Variants in DYM observed in about 807,000 individuals in gnomAD.
DYM encodes dymeclin.
A neutral mutation model predicts 93.1 loss-of-function variants in DYM; 78 were observed. The observed-to-expected ratio is 0.84, with a 90% CI of 0.70 to 1.01. DYM has a LOEUF of 1.01. Among genes scored for constraint, DYM ranks in the 50% least tolerant of loss-of-function variants. The probability of loss-of-function intolerance (pLI) is 0.00; values close to 1 mark genes in which losing one functional copy is unlikely to be tolerated. For missense variants in DYM, 789 were observed against 845.0 expected (o/e 0.93, Z 0.82); for synonymous variants, 321 against 319.7 (o/e 1.00, Z -0.04).
chr18:49,206,745 C>T (rs1360255901), intron 14 of DYM, among the ~76,000 whole-genome samples: 1 of 152,142 alleles, frequency 6.6e-6, no homozygotes, highest in Admixed American at 6.6e-5. Flanking sequence ...CACTGTATTT[C>T]TTCTCTGTTG....
chr18:49,441,033 A>ATATATT (rs1259628094), intron 1 of DYM, among the ~76,000 whole-genome samples: 1 of 6,806 alleles, frequency 1.5e-4, no homozygotes, highest in Non-Finnish European at 3.2e-4. Flanking sequence ...ATTTATATAT[A>ATATATT]ATATATAAAT....
At chr18:49,441,032 TAATATATA>T (rs1435761958) in intron 1 of DYM, among the ~76,000 whole-genome samples, 1 of 7,984 alleles carries the variant, frequency 1.3e-4, no homozygotes, top group African/African-American at 3.1e-4. Context: ...TATTTATATA[TAATATATA>T]AATATATAAT....
At chr18:49,421,830 A>T (rs559835056) in intron 2 of DYM, among the ~76,000 whole-genome samples, 1 of 152,350 alleles carries the variant, frequency 6.6e-6, no homozygotes, top group African/African-American at 2.4e-5. Context: ...GGAGCTGAAA[A>T]CCATGGCACA....
intron 2 of DYM, among the ~76,000 whole-genome samples, chr18:49,427,643 A>G (rs1215948445): frequency 1.3e-5 from 2 of 152,162 alleles, no homozygotes; most frequent in Admixed American, 1.3e-4. Flanking sequence ...TATAGAAACA[A>G]CCCAGTGTCT....
intron 1 of DYM, among the ~76,000 whole-genome samples, chr18:49,434,388 C>T (rs1280156179): frequency 2.0e-5 from 3 of 150,928 alleles, no homozygotes; most frequent in Non-Finnish European, 4.4e-5. Context: ...GGCATGGTGG[C>T]AGGTACCTGT....
chr18:49,336,232 T>G (rs919563929), intron 6 of DYM, among the ~76,000 whole-genome samples: 12 of 152,218 alleles, frequency 7.9e-5, no homozygotes, highest in Non-Finnish European at 5.9e-5. Context: ...TGTTTTAGTT[T>G]TGCTTAAACC....
At chr18:49,251,510 G>A (rs1037618865) in intron 13 of DYM, among the ~76,000 whole-genome samples, 4 of 152,166 alleles carry the variant, frequency 2.6e-5, no homozygotes, top group Non-Finnish European at 5.9e-5. Context: ...GTTTGAAAAC[G>A]AGTTCAGTTT....
chr18:49,448,456 A>G (rs1943675), intron 1 of DYM, among the ~76,000 whole-genome samples: 61,951 of 152,028 alleles, frequency 0.41, 13,072 homozygotes, highest in East Asian at 0.58. Flanking sequence ...TCCATTTTTC[A>G]GGAAGCCAGG....
chr18:49,241,445 T>C (rs2094006913), intron 13 of DYM, among the ~76,000 whole-genome samples: 1 of 152,200 alleles, frequency 6.6e-6, no homozygotes, highest in African/African-American at 2.4e-5. Context: ...ATGGCTAGAC[T>C]TATAATTAAA....
chr18:49,080,739 C>G (rs1389492223), intron 17 of DYM, among the ~76,000 whole-genome samples: 1 of 148,536 alleles, frequency 6.7e-6, no homozygotes. Context: ...CTCCTCACTT[C>G]TCAGACGGGG....
At chr18:49,100,271 G>A (rs762943280) in intron 16 of DYM, among the ~76,000 whole-genome samples, 6 of 152,062 alleles carry the variant, frequency 3.9e-5, no homozygotes, top group African/African-American at 7.2e-5. Context: ...GGAGCCATCC[G>A]CTTTGATAAT....
intron 15 of DYM, among the ~76,000 whole-genome samples, chr18:49,155,729 G>A (rs988521402): frequency 5.9e-5 from 9 of 152,092 alleles, no homozygotes; most frequent in Non-Finnish European, 1.2e-4. Context: ...CCTTTTTATC[G>A]TATGATGCAC....
chr18:49,340,611 A>G (rs1184706571), intron 6 of DYM, among the ~76,000 whole-genome samples: 1 of 152,218 alleles, frequency 6.6e-6, no homozygotes, highest in Non-Finnish European at 1.5e-5. Flanking sequence ...GCCAAATTCA[A>G]CCCTATGTCT....
intron 14 of DYM, among the ~76,000 whole-genome samples, chr18:49,177,338 A>G (rs1173105381): frequency 6.6e-6 from 1 of 152,204 alleles, no homozygotes; most frequent in African/African-American, 2.4e-5. Flanking sequence ...GTCACAGGAA[A>G]CATGATACTG....
intron 11 of DYM, among the ~76,000 whole-genome samples, chr18:49,263,697 C>A (rs2145316820): frequency 6.6e-6 from 1 of 151,948 alleles, no homozygotes; most frequent in African/African-American, 2.4e-5. Flanking sequence ...CCACTGCACT[C>A]CAGCGTGGGC....
intron 6 of DYM, among the ~76,000 whole-genome samples, chr18:49,350,601 G>A (rs2065023468): frequency 6.6e-6 from 1 of 151,908 alleles, no homozygotes; most frequent in African/African-American, 2.4e-5. Context: ...AGCTACCTGG[G>A]AGGCTGAGGC....
intron 10 of DYM, among the ~76,000 whole-genome samples, chr18:49,276,467 CT>C (rs1440438063): frequency 2.0e-5 from 3 of 151,890 alleles, no homozygotes; most frequent in Non-Finnish European, 4.4e-5. Context: ...CACTTTAATT[CT>C]GAAAGAACTA....
chr18:49,289,754 T>TATACACAC (rs1568181063), intron 8 of DYM, among the ~76,000 whole-genome samples: 1 of 47,530 alleles, frequency 2.1e-5, no homozygotes, highest in Admixed American at 2.7e-4. Context: ...TATATATATA[T>TATACACAC]ATATATATAT....
intron 17 of DYM, chr18:49,048,325 C>G (rs1433110771): frequency 6.6e-6 from 1 of 152,174 alleles, no homozygotes; most frequent in Non-Finnish European, 1.5e-5. Flanking sequence ...CACACGGACT[C>G]AGGGAGAAGA....
Sources: allele counts gnomAD v4.1 joint callset (sites outside exome capture counted in the v4.1 genomes callset), GRCh38; gene constraint gnomAD v4.1.1; transcripts MANE v1.5; gene names NCBI Gene and HGNC (gene_info 2026-07-23, HGNC 2026-07-21).